The following PPP4R4 variants were observed in gnomAD, a reference collection of about 807,000 sequenced individuals.
PPP4R4 encodes the protein protein phosphatase 4 regulatory subunit 4, also known as serine/threonine-protein phosphatase 4 regulatory subunit 4.
PPP4R4 carries 70 observed loss-of-function variants against 121.8 expected under a neutral mutation model. The observed-to-expected ratio is 0.57, with a 90% CI of 0.47 to 0.70. The LOEUF (loss-of-function observed/expected upper bound fraction) is 0.70. Among genes scored for constraint, PPP4R4 ranks in the 30% least tolerant of loss-of-function variants. The pLI, the probability that PPP4R4 is intolerant of heterozygous loss-of-function variation, is 0.00. For synonymous variants in PPP4R4, 348 were observed against 355.7 expected, an observed-to-expected ratio of 0.98 and a Z score of 0.24; for missense variants, 875 against 1,033.6, an observed-to-expected ratio of 0.85 and a Z score of 2.10.
chr14:94,208,979 CAGAT>C (rs1327481467), intron 3 of PPP4R4, among the ~76,000 whole-genome samples: 4 of 151,844 alleles, frequency 2.6e-5, no homozygotes, highest in African/African-American at 9.7e-5. Context: ...GAAGAATCAT[CAGAT>C]AAAGATTGAA....
rs1300732593 is a variant in PPP4R4 at position 94,203,735 on chromosome 14, A to AT, written c.192-4728dup. ...TGTTTTTAAAATTTTAGCCATTCTGATAAGTGTGTAGTGATATCTCATTGT... is the reference window on the plus strand; with the variant it reads ...TGTTTTTAAAATTTTAGCCATTCTGATTAAGTGTGTAGTGATATCTCATTGT... On this transcript the variant is annotated intron_variant, in intron 2 of 24. Coordinates refer to ENST00000304338, the MANE Select transcript of PPP4R4 (RefSeq NM_058237.2). 3.3e-5 allele frequency among the ~76,000 whole-genome samples: 5 copies of AT among 152,282 alleles called. No homozygotes were observed. The East Asian group carries it at 9.6e-4, about 29-fold the overall frequency.
intron 13 of PPP4R4, among the ~76,000 whole-genome samples, 186 bp from the exon 14 acceptor site, chr14:94,246,171 A>G (rs1053507615): frequency 6.6e-6 from 1 of 152,186 alleles, no homozygotes; most frequent in Non-Finnish European, 1.5e-5. Flanking sequence ...CATACTTTTT[A>G]CTTAATGATT....
chr14:94,278,605 C>A lies in PPP4R4; in HGVS notation c.2598-14C>A. On this transcript the variant is annotated splice_polypyrimidine_tract_variant and intron_variant, in intron 24 of 24. Transcript: ENST00000304338. ...CCACCCTCCCTCTCTTCCTTCATTT[C>A]TTTCTTCCCAAAGAAAATCCAGAAA... 2 of 1,560,888 alleles carry A rather than the reference C, an allele frequency of 1.3e-6. No homozygotes were observed. Among genetic ancestry groups the A allele is most frequent in the South Asian group, 1.2e-5 (1 of 86,228 alleles).
intron 23 of PPP4R4, among the ~76,000 whole-genome samples, chr14:94,273,771 TAG>T (rs774433647): frequency 7.9e-5 from 12 of 152,088 alleles, no homozygotes; most frequent in Non-Finnish European, 1.6e-4. Context: ...TTCTAAAAAA[TAG>T]AGTCTACTTA....
In PPP4R4 at chr14:94,241,835, A is replaced by C; in HGVS notation, c.1024A>C (p.Lys342Gln). 6.2e-7 allele frequency: 1 copy of C among 1,600,884 alleles called. No individual in the cohort carries two copies. Among genetic ancestry groups the C allele is most frequent in the South Asian group, 1.1e-5 (1 of 87,360 alleles). ...CTTGAGATTTTTGGAATTTTATAAGAAACTTTGTACATTGGGTTTGCAACA... is the reference window on the plus strand; with the variant it reads ...CTTGAGATTTTTGGAATTTTATAAGCAACTTTGTACATTGGGTTTGCAACA... Reference protein sequence around the residue: ...QHLRFLEFYKKLCTLGLQQEN... With the variant: ...QHLRFLEFYKQLCTLGLQQEN... Residue 342 changes from lysine (K) to glutamine (Q), a missense_variant, in exon 10 of 25, where the codon AAA (lysine) becomes CAA (glutamine). Lys to Gln is a moderately conservative substitution (Grantham distance 53, BLOSUM62 1). Coordinates refer to ENST00000304338, the MANE Select transcript of PPP4R4 (RefSeq NM_058237.2).
chr14:94,254,728 C>T (rs1439987772), intron 16 of PPP4R4, among the ~76,000 whole-genome samples: 2 of 152,168 alleles, frequency 1.3e-5, no homozygotes, highest in African/African-American at 4.8e-5. Context: ...AATAGATACC[C>T]ACCTAGCATC....
At chr14:94,219,249 T>C (rs1891253420) in intron 3 of PPP4R4, among the ~76,000 whole-genome samples, 1 of 151,690 alleles carries the variant, frequency 6.6e-6, no homozygotes, top group South Asian at 2.1e-4. Context: ...CTAATTTTTA[T>C]GTTTTTAGTA....
At position 94,278,720 on chromosome 14, in the gene PPP4R4, G is replaced by A. The variant is rs555897778; in HGVS notation, c.*77G>A. Reference sequence around the variant, plus strand: ...TTGGTACACAAAAGCTAAAGCAGTGGCTGGGGCTTTGTTTTTAAATTTTGG... The same window carrying A: ...TTGGTACACAAAAGCTAAAGCAGTGACTGGGGCTTTGTTTTTAAATTTTGG... On this transcript the variant is annotated 3_prime_UTR_variant, in exon 25 of 25. Transcript: ENST00000304338. 39 of 1,368,284 alleles carry A rather than the reference G, an allele frequency of 2.9e-5. No homozygotes were observed. In the East Asian group the frequency reaches 1.0e-3, roughly 35 times the overall value. The allele number at this position is 1,368,284 out of a possible 1,614,324, so 84.8% of individuals were successfully genotyped here. A position where few individuals can be genotyped will look rare whatever the true frequency, so the allele number is the denominator to read the frequency against.
At chr14:94,239,785 CAT>C (rs1892531360) in intron 8 of PPP4R4, among the ~76,000 whole-genome samples, 1 of 152,082 alleles carries the variant, frequency 6.6e-6, no homozygotes, top group South Asian at 2.1e-4. Flanking sequence ...ACAGTGATCA[CAT>C]TGTCTTATAT....
chr14:94,266,841 A>G, intron 22 of PPP4R4, 118 bp from the exon 23 acceptor site: 1 of 668,696 alleles, frequency 1.5e-6, no homozygotes, highest in Non-Finnish European at 2.6e-6. Context: ...AAAAGCAACA[A>G]ACGTTTCATA....
At chr14:94,214,042 T>G (rs1259342398) in intron 3 of PPP4R4, among the ~76,000 whole-genome samples, 1 of 152,160 alleles carries the variant, frequency 6.6e-6, no homozygotes, top group African/African-American at 2.4e-5. Flanking sequence ...TATTTGTCAG[T>G]CTAGTTTCTC....
Position 94,251,818 on chromosome 14 carries a change from T to G in PPP4R4, c.1787T>G (p.Ile596Arg), listed in dbSNP as rs1447279639. 6.3e-7 allele frequency: 1 copy of G among 1,598,634 alleles called. No individual in the cohort carries two copies. Among genetic ancestry groups the G allele is most frequent in the Non-Finnish European group, 8.5e-7 (1 of 1,169,700 alleles). The change falls in exon 16 of 25, where the codon ATA (isoleucine) becomes AGA (arginine). Residue 596 changes from isoleucine to arginine, a missense_variant. By Grantham distance (97) the Ile-to-Arg change is moderately conservative (BLOSUM62 -3). Coordinates refer to ENST00000304338, the MANE Select transcript of PPP4R4 (RefSeq NM_058237.2). ...FLDTCEFIIE[I>R]FSKSFFCKYF... Reference sequence around the variant, plus strand: ...GATACCTGTGAATTTATTATAGAGATATTTTCAAAATCATTTTTCTGTAAA... The same window carrying G: ...GATACCTGTGAATTTATTATAGAGAGATTTTCAAAATCATTTTTCTGTAAA...
chr14:94,215,107 T>A (rs564832362), intron 3 of PPP4R4, among the ~76,000 whole-genome samples: 1 of 152,270 alleles, frequency 6.6e-6, no homozygotes, highest in South Asian at 2.1e-4. Context: ...ATACTCAAGC[T>A]GTAATAATGT....
At chr14:94,204,268 G>GT (rs1050713421) in intron 2 of PPP4R4, among the ~76,000 whole-genome samples, 11 of 150,904 alleles carry the variant, frequency 7.3e-5, no homozygotes, top group South Asian at 2.1e-4. Flanking sequence ...GGTCATGTCA[G>GT]TTTTTTTTTG....
At chr14:94,227,651 A>C (rs1342625157) in intron 3 of PPP4R4, 1 of 1,127,262 alleles carries the variant, frequency 8.9e-7, no homozygotes, top group East Asian at 5.1e-5. Flanking sequence ...AGAGCTTCTC[A>C]TGTTCTTCCT....
chr14:94,187,521 A>T (rs1889355009), intron 2 of PPP4R4, among the ~76,000 whole-genome samples: 2 of 152,320 alleles, frequency 1.3e-5, no homozygotes, highest in South Asian at 2.1e-4. Flanking sequence ...TAATGCTAAC[A>T]TGTTATTAAT....
intron 23 of PPP4R4, among the ~76,000 whole-genome samples, chr14:94,272,027 A>G (rs1072173): frequency 0.24 from 35,900 of 152,090 alleles, 5,089 homozygotes; most frequent in East Asian, 0.59. Context: ...ACTAATAAAG[A>G]AGGAGATGTC....
At chr14:94,270,910 T>A (rs1894286856) in intron 23 of PPP4R4, among the ~76,000 whole-genome samples, 4 of 134,178 alleles carry the variant, frequency 3.0e-5, no homozygotes, top group African/African-American at 5.9e-5. Flanking sequence ...AGAGTGAGAC[T>A]CCATCTCAAA....
intron 4 of PPP4R4, among the ~76,000 whole-genome samples, chr14:94,230,938 T>G (rs1434701784): frequency 2.0e-5 from 3 of 152,220 alleles, no homozygotes; most frequent in Non-Finnish European, 4.4e-5. Flanking sequence ...TGAAGATCCA[T>G]TAATTCATCT....
Sources: gnomAD v4.1 joint callset for allele counts (sites outside exome capture counted in the v4.1 genomes callset) on GRCh38, gnomAD v4.1.1 for gene constraint, MANE v1.5 for transcripts, NCBI Gene and HGNC (gene_info 2026-07-23, HGNC 2026-07-21) for gene names.